Variants in NPSR1 observed in about 807,000 individuals in gnomAD.
NPSR1 encodes the protein neuropeptide S receptor 1.
In NPSR1, 48 loss-of-function variants were observed where a neutral mutation model predicts 46.9. That is an observed-to-expected ratio of 1.02 (90% CI 0.81 to 1.30). NPSR1 has a LOEUF of 1.30. NPSR1 is among the 50% of genes most tolerant of loss of function. NPSR1 has a pLI of 0.00. For missense variants in NPSR1, 450 were observed against 449.5 expected (o/e 1.00, Z -0.01); for synonymous variants, 176 against 168.1 (o/e 1.05, Z -0.36).
chr7:34,678,218 CTTTTTTTTTT>C (rs869140156), intron 1 of NPSR1, among the ~76,000 whole-genome samples: 7 of 100,696 alleles, frequency 7.0e-5, no homozygotes, highest in Admixed American at 2.3e-4. Context: ...CTTTGCAATT[CTTTTTTTTTT>C]TTTTTTTTTT....
intron 2 of NPSR1, among the ~76,000 whole-genome samples, chr7:34,757,360 G>A (rs564850690): frequency 6.6e-6 from 1 of 152,152 alleles, no homozygotes; most frequent in South Asian, 2.1e-4. Context: ...ACAGTAGGCA[G>A]TTTGGCTCAG....
At chr7:34,824,305 G>A (rs765061972) in intron 4 of NPSR1, among the ~76,000 whole-genome samples, 2 of 152,174 alleles carry the variant, frequency 1.3e-5, no homozygotes, top group Non-Finnish European at 2.9e-5. Context: ...AGGCTAAGCG[G>A]CAGAGAAGTA....
chr7:34,695,806 G>A (rs1249243677), intron 2 of NPSR1, among the ~76,000 whole-genome samples: 1 of 152,002 alleles, frequency 6.6e-6, no homozygotes, highest in Non-Finnish European at 1.5e-5. Context: ...AAAAACAATA[G>A]ATGCTGGCAA....
chr7:34,753,879 T>A (rs1366717999), intron 2 of NPSR1, among the ~76,000 whole-genome samples: 1 of 151,968 alleles, frequency 6.6e-6, no homozygotes, highest in East Asian at 1.9e-4. Flanking sequence ...AAATTCTAAA[T>A]GAATTTTAAA....
In NPSR1 at chr7:34,849,797, A is replaced by G. The variant is rs1790881427; in HGVS notation, c.*142A>G. 6.8e-7 allele frequency: 1 copy of G among 1,475,044 alleles called. No individual in the cohort carries two copies. Among genetic ancestry groups the G allele is most frequent in the African/African-American group, 1.4e-5 (1 of 70,958 alleles). The allele number at this position is 1,475,044 out of a possible 1,614,324, so 91.4% of individuals were successfully genotyped here. A position where few individuals can be genotyped will look rare whatever the true frequency, so the allele number is the denominator to read the frequency against. On this transcript the variant is annotated 3_prime_UTR_variant, in exon 9 of 9. Transcript: ENST00000360581. Reference sequence around the variant, plus strand: ...GGGAGATGCACAAGACAAATGTTCTAATGACTGCATGCACTGCTTAAGTAT... The same window carrying G: ...GGGAGATGCACAAGACAAATGTTCTGATGACTGCATGCACTGCTTAAGTAT...
At chr7:34,801,668 A>T (rs1360317429) in intron 3 of NPSR1, among the ~76,000 whole-genome samples, 1 of 146,326 alleles carries the variant, frequency 6.8e-6, no homozygotes, top group Non-Finnish European at 1.5e-5. Flanking sequence ...CAAGACAGGG[A>T]TGCCCTCTCT....
rs568870050 is a variant in NPSR1 at position 34,676,100 on chromosome 7, GT to G, written c.148-8451del. Among the ~76,000 whole-genome samples the G allele has an allele frequency of 4.6e-5, 7 of 152,196 alleles. No homozygotes were observed. The South Asian group carries it at 8.3e-4, about 18-fold the overall frequency. ...TGGTACCGAAAATAGGGTGAACAGG[GT>G]GAATTCAAGCATCACTCTGAAAAGG... On this transcript the variant is annotated intron_variant, in intron 1 of 8. Coordinates refer to ENST00000360581, the MANE Select transcript of NPSR1 (RefSeq NM_207172.2).
chr7:34,798,231 G>T (rs2128746486), intron 3 of NPSR1, among the ~76,000 whole-genome samples: 1 of 152,212 alleles, frequency 6.6e-6, no homozygotes, highest in African/African-American at 2.4e-5. Context: ...TGAACTGAAT[G>T]ACAATATTAA....
intron 2 of NPSR1, among the ~76,000 whole-genome samples, chr7:34,734,480 A>C (rs1208543507): frequency 6.6e-6 from 1 of 152,134 alleles, no homozygotes; most frequent in Admixed American, 6.6e-5. Flanking sequence ...AAATATTAAC[A>C]CATTTCAAGC....
chr7:34,692,219 G>A (rs1390861868), intron 2 of NPSR1, among the ~76,000 whole-genome samples: 2 of 152,016 alleles, frequency 1.3e-5, no homozygotes, highest in African/African-American at 4.8e-5. Context: ...GACATTTATA[G>A]AACATTTCAT....
intron 2 of NPSR1, chr7:34,750,856 C>A (rs1429830872): frequency 1.4e-6 from 1 of 698,366 alleles, no homozygotes; most frequent in Non-Finnish European, 2.7e-6. Flanking sequence ...GTCTGCTTGT[C>A]TTTGGTGATG....
chr7:34,714,883 A>G (rs1783487193), intron 2 of NPSR1, among the ~76,000 whole-genome samples: 1 of 152,362 alleles, frequency 6.6e-6, no homozygotes, highest in Middle Eastern at 3.4e-3. Context: ...AAGCATATCT[A>G]TAAGAAATTG....
intron 4 of NPSR1, among the ~76,000 whole-genome samples, chr7:34,813,991 C>G (rs952928942): frequency 6.6e-6 from 1 of 152,320 alleles, no homozygotes; most frequent in Non-Finnish European, 1.5e-5. Flanking sequence ...CCAGCATGAT[C>G]GATGCAGAAG....
intron 6 of NPSR1, among the ~76,000 whole-genome samples, chr7:34,843,151 T>C (rs1388112276): frequency 6.6e-6 from 1 of 152,204 alleles, no homozygotes; most frequent in Admixed American, 6.5e-5. Context: ...CCACAGTTGG[T>C]TTCTATCTGT....
chr7:34,857,877 C>A (rs773478632), intron 8 of NPSR1, among the ~76,000 whole-genome samples: 13 of 151,070 alleles, frequency 8.6e-5, no homozygotes, highest in Non-Finnish European at 1.2e-4. Context: ...CAGTAGAAGA[C>A]ATAGAAAAAT....
intron 2 of NPSR1, chr7:34,753,840 A>C (rs554722501): frequency 6.1e-4 from 93 of 152,322 alleles, no homozygotes; most frequent in African/African-American, 2.1e-3. Flanking sequence ...TGTCTCTACA[A>C]AAATAAAAAT....
chr7:34,819,406 T>G (rs1789434822), intron 4 of NPSR1, among the ~76,000 whole-genome samples: 1 of 152,110 alleles, frequency 6.6e-6, no homozygotes, highest in Non-Finnish European at 1.5e-5. Context: ...CATTAAAAAG[T>G]CAGGAAACAA....
At chr7:34,708,984 G>A (rs1794249260) in intron 2 of NPSR1, among the ~76,000 whole-genome samples, 1 of 152,060 alleles carries the variant, frequency 6.6e-6, no homozygotes, top group Non-Finnish European at 1.5e-5. Flanking sequence ...GAGGGTAAGT[G>A]GCCTCCCCAG....
chr7:34,665,269 G>A (rs981781434), intron 1 of NPSR1, among the ~76,000 whole-genome samples: 2 of 152,156 alleles, frequency 1.3e-5, no homozygotes, highest in Non-Finnish European at 2.9e-5. Context: ...AGGTCAACTT[G>A]TAGCTACACC....
Sources: gnomAD v4.1 joint callset for allele counts (sites outside exome capture counted in the v4.1 genomes callset) on GRCh38, gnomAD v4.1.1 for gene constraint, MANE v1.5 for transcripts, NCBI Gene and HGNC (gene_info 2026-07-23, HGNC 2026-07-21) for gene names.